Variants in PSMA1 observed in about 807,000 individuals in gnomAD.
The protein encoded by PSMA1 is proteasome 20S subunit alpha 1.
A neutral mutation model predicts 38.4 loss-of-function variants in PSMA1; 3 were observed. That is an observed-to-expected ratio of 0.08 (90% CI 0.04 to 0.20). PSMA1 has a LOEUF of 0.20. PSMA1 is among the 10% of genes least tolerant of loss of function. The pLI, the probability that PSMA1 is intolerant of heterozygous loss-of-function variation, is 1.00. For missense variants in PSMA1, 227 were observed against 325.3 expected (o/e 0.70, Z 2.32); for synonymous variants, 101 against 107.1 (o/e 0.94, Z 0.35).
intron 2 of PSMA1, among the ~76,000 whole-genome samples, chr11:14,532,839 G>A (rs1851663215): frequency 1.4e-5 from 2 of 148,012 alleles, no homozygotes; most frequent in East Asian, 4.0e-4. Context: ...TTGCAGGTGA[G>A]CCGACATCTG....
chr11:14,562,323 T>C (rs925890688), intron 2 of PSMA1, among the ~76,000 whole-genome samples: 2 of 152,210 alleles, frequency 1.3e-5, no homozygotes, highest in African/African-American at 2.4e-5. Flanking sequence ...TAGCTTTTTT[T>C]CCCCCTTGTA....
intron 2 of PSMA1, among the ~76,000 whole-genome samples, chr11:14,532,211 G>A (rs1014754502): frequency 1.2e-4 from 18 of 151,982 alleles, no homozygotes; most frequent in Admixed American, 3.3e-4. Context: ...CTGGAAAATA[G>A]AACCTAAGTT....
chr11:14,638,502 C>T (rs1418366505), intron 1 of PSMA1, among the ~76,000 whole-genome samples: 1 of 100,246 alleles, frequency 1.0e-5, no homozygotes, highest in African/African-American at 4.0e-5. Flanking sequence ...AGTGGAGAAA[C>T]ACACCTCTCT....
At chr11:14,612,951 C>A (rs1234379553) in intron 1 of PSMA1, among the ~76,000 whole-genome samples, 2 of 151,948 alleles carry the variant, frequency 1.3e-5, no homozygotes, top group Non-Finnish European at 2.9e-5. Flanking sequence ...GATGCAGTGT[C>A]AATGGTGCCC....
intron 1 of PSMA1, among the ~76,000 whole-genome samples, chr11:14,620,222 T>G (rs1462349201): frequency 2.0e-5 from 3 of 152,182 alleles, no homozygotes; most frequent in African/African-American, 7.2e-5. Flanking sequence ...GACTTAACTT[T>G]ATAGGGTCCT....
chr11:14,642,661 C>G (rs935236348), intron 1 of PSMA1, among the ~76,000 whole-genome samples: 1 of 152,128 alleles, frequency 6.6e-6, no homozygotes, highest in African/African-American at 2.4e-5. Context: ...GAAATGCAGT[C>G]CGGTCATGAG....
At chr11:14,519,246 A>C (rs1162450859) in intron 1 of PSMA1, 4 of 625,176 alleles carry the variant, frequency 6.4e-6, no homozygotes, top group African/African-American at 3.6e-5. Flanking sequence ...AGCAGATCTA[A>C]ATGGGTCCTA....
intron 2 of PSMA1, among the ~76,000 whole-genome samples, chr11:14,601,940 G>C (rs1021117139): frequency 6.6e-6 from 1 of 152,126 alleles, no homozygotes; most frequent in African/African-American, 2.4e-5. Context: ...ATGTTTACCC[G>C]CACCCTTCAC....
At chr11:14,513,369 G>A (rs1851374348) in intron 7 of PSMA1, 14 of 499,054 alleles carry the variant, frequency 2.8e-5, no homozygotes, top group South Asian at 1.7e-4. Context: ...AGTTCTACTC[G>A]TGCTTGAAAC....
intron 2 of PSMA1, among the ~76,000 whole-genome samples, chr11:14,609,783 A>G (rs997812278): frequency 1.3e-5 from 2 of 152,196 alleles, no homozygotes; most frequent in Non-Finnish European, 2.9e-5. Context: ...AGGGCAGACC[A>G]TGTAGTGTTC....
chr11:14,507,456 G>A (rs758834841), intron 9 of PSMA1, 200 bp downstream of exon 9: 9 of 477,960 alleles, frequency 1.9e-5, no homozygotes, highest in African/African-American at 6.1e-5. Context: ...ATGAGCCACC[G>A]CACCCGGCCC....
At chr11:14,575,729 T>G (rs1405556467) in intron 2 of PSMA1, among the ~76,000 whole-genome samples, 3 of 152,224 alleles carry the variant, frequency 2.0e-5, no homozygotes, top group Non-Finnish European at 2.9e-5. Flanking sequence ...TACGTGTGCA[T>G]GTGTCTTTAT....
At chr11:14,505,955 G>A (rs142717369) in intron 9 of PSMA1, among the ~76,000 whole-genome samples, 1 of 152,280 alleles carries the variant, frequency 6.6e-6, no homozygotes, top group Non-Finnish European at 1.5e-5. Context: ...ACCTTGCAGT[G>A]AGCTATGATG....
chr11:14,637,232 T>G (rs192813657), intron 1 of PSMA1, among the ~76,000 whole-genome samples: 1 of 152,332 alleles, frequency 6.6e-6, no homozygotes, highest in East Asian at 1.9e-4. Context: ...TGATGTCTCA[T>G]GCCTCCATGG....
chr11:14,528,473 T>C (rs966832252), intron 2 of PSMA1, among the ~76,000 whole-genome samples: 18 of 152,094 alleles, frequency 1.2e-4, no homozygotes, highest in African/African-American at 4.3e-4. Flanking sequence ...GTTGAATCTC[T>C]CCCACTGTAG....
chr11:14,565,778 G>A (rs1343694630), intron 2 of PSMA1, among the ~76,000 whole-genome samples: 3 of 152,210 alleles, frequency 2.0e-5, no homozygotes, highest in East Asian at 3.8e-4. Flanking sequence ...AATGGTAAGT[G>A]CAAGAACAAA....
chr11:14,600,341 C>A (rs1174221197), intron 2 of PSMA1, among the ~76,000 whole-genome samples: 1 of 152,162 alleles, frequency 6.6e-6, no homozygotes, highest in Admixed American at 6.5e-5. Context: ...TCAGCTATGC[C>A]CTGCCCACAG....
At chr11:14,532,935 A>C (rs1357408909) in intron 2 of PSMA1, among the ~76,000 whole-genome samples, 2 of 152,348 alleles carry the variant, frequency 1.3e-5, no homozygotes, top group East Asian at 3.9e-4. Flanking sequence ...CTGCTAAAAA[A>C]AGACAATATG....
intron 8 of PSMA1, 71 bp downstream of exon 8, chr11:14,510,799 ACT>A: frequency 9.7e-7 from 1 of 1,036,098 alleles, no homozygotes; most frequent in Non-Finnish European, 1.4e-6. Context: ...TTGCATATAT[ACT>A]CCATTACATT....
Sources: allele counts gnomAD v4.1 joint callset (sites outside exome capture counted in the v4.1 genomes callset), GRCh38; gene constraint gnomAD v4.1.1; transcripts MANE v1.5; gene names NCBI Gene and HGNC (gene_info 2026-07-23, HGNC 2026-07-21).